PAPPA: variants seen among roughly 807,000 people sequenced by gnomAD.
The protein encoded by PAPPA is pappalysin-1.
A neutral mutation model predicts 164.0 loss-of-function variants in PAPPA; 60 were observed. The observed-to-expected ratio is 0.37, with a 90% CI of 0.30 to 0.45. The LOEUF (loss-of-function observed/expected upper bound fraction) is 0.45. Among genes scored for constraint, PAPPA ranks in the 20% least tolerant of loss-of-function variants. PAPPA has a pLI of 1.00. For synonymous variants in PAPPA, 875 were observed against 814.1 expected (o/e 1.07, Z -1.27); for missense variants, 1,782 against 2,087.3 (o/e 0.85, Z 2.85).
At chr9:116,308,492 A>G (rs2118902634) in intron 10 of PAPPA, among the ~76,000 whole-genome samples, 1 of 152,372 alleles carries the variant, frequency 6.6e-6, no homozygotes, top group Admixed American at 6.5e-5. Flanking sequence ...ACAGATTAGG[A>G]CACAAAGGCT....
chr9:116,264,624 C>T (rs757994056), intron 7 of PAPPA, among the ~76,000 whole-genome samples: 5 of 152,170 alleles, frequency 3.3e-5, no homozygotes, highest in Non-Finnish European at 5.9e-5. Flanking sequence ...AAATAACAGA[C>T]GGGCAGGAGA....
intron 10 of PAPPA, among the ~76,000 whole-genome samples, chr9:116,309,265 G>T (rs1845685783): frequency 6.6e-6 from 1 of 151,878 alleles, no homozygotes; most frequent in Non-Finnish European, 1.5e-5. Flanking sequence ...TAGTAGAGAT[G>T]GGGTTTCACC....
chr9:116,289,357 GGCATATATATGGCATATATATA>G (rs2118863265), intron 9 of PAPPA, among the ~76,000 whole-genome samples: 1 of 108,498 alleles, frequency 9.2e-6, no homozygotes, highest in African/African-American at 3.7e-5. Flanking sequence ...GCATATATAT[GGCATATATATGGCATATATATA>G]GCATATGTAT....
intron 10 of PAPPA, 26 bp from the exon 11 acceptor site, chr9:116,331,218 A>T: frequency 7.3e-7 from 1 of 1,360,592 alleles, no homozygotes; most frequent in Non-Finnish European, 1.1e-6. Flanking sequence ...CTAAAACATG[A>T]TTATTTTTTC....
At chr9:116,362,795 G>A in intron 18 of PAPPA, 56 bp downstream of exon 18, 3 of 1,559,864 alleles carry the variant, frequency 1.9e-6, no homozygotes, top group South Asian at 1.2e-5. Context: ...CAGCAATGCA[G>A]GGCTAATGCC....
chr9:116,323,094 C>G (rs575443456), intron 10 of PAPPA, among the ~76,000 whole-genome samples: 63 of 152,300 alleles, frequency 4.1e-4, no homozygotes, highest in African/African-American at 1.5e-3. Flanking sequence ...CCCTCTTCTC[C>G]CTCCGTCTCC....
At chr9:116,268,792 G>C (rs560711044) in intron 8 of PAPPA, among the ~76,000 whole-genome samples, 45 of 129,620 alleles carry the variant, frequency 3.5e-4, no homozygotes, top group Non-Finnish European at 5.9e-4. Context: ...AATATTTGTT[G>C]ATATACTTTG....
At chr9:116,225,482 G>A (rs906124321) in intron 5 of PAPPA, among the ~76,000 whole-genome samples, 2 of 152,142 alleles carry the variant, frequency 1.3e-5, no homozygotes, top group African/African-American at 4.8e-5. Flanking sequence ...TTGTTTCATA[G>A]TGTTATTTGA....
chr9:116,252,553 G>A (rs952117953), intron 7 of PAPPA, among the ~76,000 whole-genome samples: 1 of 152,232 alleles, frequency 6.6e-6, no homozygotes, highest in African/African-American at 2.4e-5. Context: ...GATGGGTGTG[G>A]TGGGATCCCA....
In PAPPA at chr9:116,367,697, G is replaced by A. The variant is rs1846520165; in HGVS notation, c.4548G>A (p.Leu1516=). The change falls in exon 19 of 22, where the codon CTG becomes CTA. Residue 1516 remains leucine, a synonymous_variant. Transcript: ENST00000328252. The part of the protein sequence containing the change: ...CLDHNSESII[L]PMNVTVRDIP... Reference sequence around the variant, plus strand: ...ACCACAACAGCGAGTCCATCATCCTGCCAATGAACGTGACCGTGCGTGACA... The same window carrying A: ...ACCACAACAGCGAGTCCATCATCCTACCAATGAACGTGACCGTGCGTGACA... The A allele has an allele frequency of 6.2e-7, 1 of 1,613,978 alleles. No individual in the cohort carries two copies. Among genetic ancestry groups the A allele is most frequent in the African/African-American group, 1.3e-5 (1 of 74,912 alleles).
chr9:116,216,731 C>T (rs1844376932), intron 4 of PAPPA, among the ~76,000 whole-genome samples: 1 of 151,198 alleles, frequency 6.6e-6, no homozygotes, highest in Admixed American at 6.6e-5. Flanking sequence ...TAGATTTCGA[C>T]TTCAGCTTTT....
intron 1 of PAPPA, among the ~76,000 whole-genome samples, chr9:116,176,261 G>A (rs1016066428): frequency 1.7e-4 from 26 of 152,318 alleles, no homozygotes; most frequent in African/African-American, 6.3e-4. Flanking sequence ...TTTCTGAAAT[G>A]CAAAATTGTT....
intron 2 of PAPPA, among the ~76,000 whole-genome samples, chr9:116,192,435 A>G (rs1299693815): frequency 6.6e-6 from 1 of 152,198 alleles, no homozygotes; most frequent in Non-Finnish European, 1.5e-5. Context: ...TGTTAGGCTT[A>G]ATCCTCTGTT....
intron 9 of PAPPA, among the ~76,000 whole-genome samples, chr9:116,302,289 G>T (rs1486123161): frequency 6.6e-6 from 1 of 151,954 alleles, no homozygotes; most frequent in East Asian, 1.9e-4. Context: ...GTACAATATT[G>T]TTAACTATAA....
intron 16 of PAPPA, 53 bp from the exon 17 acceptor site, chr9:116,353,569 G>A: frequency 6.6e-7 from 1 of 1,526,424 alleles, no homozygotes; most frequent in South Asian, 1.2e-5. Flanking sequence ...TGCAGGGCAT[G>A]GATCTAGCCA....
chr9:116,255,477 A>G (rs547226812), intron 7 of PAPPA, among the ~76,000 whole-genome samples: 5 of 152,188 alleles, frequency 3.3e-5, no homozygotes, highest in African/African-American at 1.2e-4. Context: ...TATAACTAGC[A>G]TCCTTTAAAA....
chr9:116,303,037 T>A, intron 10 of PAPPA, 87 bp downstream of exon 10: 1 of 1,067,104 alleles, frequency 9.4e-7, no homozygotes, highest in Non-Finnish European at 1.4e-6. Context: ...TAAGGCAGTG[T>A]CATTGGCTAT....
intron 9 of PAPPA, among the ~76,000 whole-genome samples, chr9:116,278,786 C>T (rs545499070): frequency 6.6e-6 from 1 of 152,198 alleles, no homozygotes; most frequent in East Asian, 1.9e-4. Flanking sequence ...TCTCTCAATA[C>T]CTCTGAGTCT....
At position 116,223,727 on chromosome 9, in the gene PAPPA, A is replaced by G. The variant is rs536021756; in HGVS notation, c.2111+3598A>G. On this transcript the variant is annotated intron_variant, in intron 5 of 21. Coordinates refer to ENST00000328252, the MANE Select transcript of PAPPA (RefSeq NM_002581.5). ...TCTTTAACGTATATCACTCTCCCAT[A>G]CAGATGGAATTTATACTCATGCAAA... Among the ~76,000 whole-genome samples the G allele has an allele frequency of 4.6e-5, 7 of 152,276 alleles. No individual in the cohort carries two copies. In the South Asian group the frequency reaches 1.0e-3, roughly 23 times the overall value.
Sources: allele counts gnomAD v4.1 joint callset (sites outside exome capture counted in the v4.1 genomes callset), GRCh38; gene constraint gnomAD v4.1.1; transcripts MANE v1.5; gene names NCBI Gene and HGNC (gene_info 2026-07-23, HGNC 2026-07-21).